SEMA3A: variants seen among roughly 807,000 people sequenced by gnomAD.
SEMA3A encodes semaphorin 3A, also known as semaphorin-3A.
SEMA3A carries 29 observed loss-of-function variants against 97.9 expected under a neutral mutation model. That is an observed-to-expected ratio of 0.30 (90% CI 0.22 to 0.40). The LOEUF (loss-of-function observed/expected upper bound fraction) is 0.40. Among genes scored for constraint, SEMA3A ranks in the 10% least tolerant of loss-of-function variants. The pLI is 1.00. For synonymous variants in SEMA3A, 321 were observed against 323.7 expected (o/e 0.99, Z 0.09); for missense variants, 763 against 951.3 (o/e 0.80, Z 2.60).
chr7:84,023,725 A>G (rs1459796991), intron 6 of SEMA3A, among the ~76,000 whole-genome samples: 2 of 152,260 alleles, frequency 1.3e-5, no homozygotes, highest in Admixed American at 1.3e-4. Context: ...TAAAATGTAG[A>G]TAGTGCCGGG....
Position 84,329,787 on chromosome 7 carries a change from G to A in SEMA3A, c.-168-22495C>T, listed in dbSNP as rs1390298913. ...TTAGTGCAAAATAAGAGGGAACACA[G>A]TGTATAATTTCAAAAGCTGTGTTAT... On this transcript the variant is annotated intron_variant, in intron 2 of 3. Transcript: ENST00000424555. Among the ~76,000 whole-genome samples, 5 of 152,162 alleles carry A rather than the reference G, an allele frequency of 3.3e-5. No individual in the cohort carries two copies. The East Asian group carries it at 9.7e-4, about 29-fold the overall frequency.
At chr7:84,337,600 C>A (rs1026722231) in intron 2 of SEMA3A, among the ~76,000 whole-genome samples, 4 of 152,034 alleles carry the variant, frequency 2.6e-5, no homozygotes, top group African/African-American at 9.7e-5. Context: ...GGAATGGATT[C>A]AAATTCAATT....
At chr7:84,141,165 T>C (rs1796281045) in intron 1 of SEMA3A, among the ~76,000 whole-genome samples, 2 of 152,168 alleles carry the variant, frequency 1.3e-5, no homozygotes, top group Admixed American at 6.5e-5. Context: ...CCAATACCAA[T>C]GGGCATCTAT....
Position 84,303,387 on chromosome 7 carries a change from C to T in SEMA3A, c.-83+3820G>A, listed in dbSNP as rs113739850. Among the ~76,000 whole-genome samples, 5 of 152,052 alleles carry T rather than the reference C, an allele frequency of 3.3e-5. 1 individual carries two copies. Among genetic ancestry groups the T allele is most frequent in the African/African-American group, 1.2e-4 (5 of 41,474 alleles). ...AAAAAAATGTCTAGGAATTTTTAAA[C>T]AGGGAAAACATGTTCTAGTTCCTTC... On this transcript the variant is annotated intron_variant, in intron 3 of 3. Coordinates refer to the SEMA3A transcript ENST00000424555.
chr7:83,990,236 A>C (rs557554314), intron 12 of SEMA3A, among the ~76,000 whole-genome samples: 9 of 152,212 alleles, frequency 5.9e-5, no homozygotes, highest in Middle Eastern at 3.4e-3. Flanking sequence ...TCAGATAAGT[A>C]GGTTGCAAAA....
chr7:84,443,384 A>G (rs1263591677), intron 1 of SEMA3A, among the ~76,000 whole-genome samples: 5 of 152,204 alleles, frequency 3.3e-5, no homozygotes, highest in African/African-American at 9.6e-5. Flanking sequence ...TAATGTAAAT[A>G]TTAGCCATTT....
intron 3 of SEMA3A, among the ~76,000 whole-genome samples, chr7:84,306,169 AT>A (rs918667289): frequency 2.7e-4 from 41 of 151,612 alleles, no homozygotes; most frequent in Non-Finnish European, 4.1e-4. Flanking sequence ...GATGTGATAA[AT>A]TTTTTTTGTG....
chr7:84,356,167 T>C (rs1240522918), intron 2 of SEMA3A, among the ~76,000 whole-genome samples: 1 of 151,940 alleles, frequency 6.6e-6, no homozygotes, highest in Non-Finnish European at 1.5e-5. Flanking sequence ...TGTTTTATTT[T>C]GAAAATTATT....
At chr7:84,256,464 T>TA (rs911942649) in intron 3 of SEMA3A, among the ~76,000 whole-genome samples, 2 of 151,980 alleles carry the variant, frequency 1.3e-5, no homozygotes, top group African/African-American at 4.8e-5. Flanking sequence ...AATACTGTTT[T>TA]AAAAAAAGGC....
intron 6 of SEMA3A, among the ~76,000 whole-genome samples, chr7:84,029,767 T>C (rs1341202536): frequency 6.6e-6 from 1 of 151,588 alleles, no homozygotes; most frequent in Non-Finnish European, 1.5e-5. Flanking sequence ...AATTTTTTTA[T>C]TATCTCATAA....
intron 3 of SEMA3A, among the ~76,000 whole-genome samples, chr7:84,246,116 T>C (rs1266700895): frequency 6.6e-6 from 1 of 152,204 alleles, no homozygotes; most frequent in Admixed American, 6.5e-5. Context: ...TGCAGTGGGC[T>C]CCGCCCAGTC....
At chr7:84,153,687 A>G (rs1017916479) in intron 1 of SEMA3A, among the ~76,000 whole-genome samples, 16 of 152,098 alleles carry the variant, frequency 1.1e-4, no homozygotes, top group Non-Finnish European at 1.9e-4. Context: ...TGAGGTCAAA[A>G]ATGTTACTTT....
intron 3 of SEMA3A, among the ~76,000 whole-genome samples, chr7:84,210,093 C>G (rs1021019364): frequency 6.6e-6 from 1 of 152,118 alleles, no homozygotes; most frequent in Non-Finnish European, 1.5e-5. Flanking sequence ...ATAATTTTAT[C>G]CAACTTATTT....
chr7:84,100,167 T>C (rs1794915599), intron 4 of SEMA3A, among the ~76,000 whole-genome samples: 1 of 152,190 alleles, frequency 6.6e-6, no homozygotes, highest in African/African-American at 2.4e-5. Context: ...TAGAATAAGA[T>C]GGCCTTTGTT....
At chr7:84,448,519 G>A (rs147002629) in intron 1 of SEMA3A, among the ~76,000 whole-genome samples, 54 of 152,050 alleles carry the variant, frequency 3.6e-4, no homozygotes, top group African/African-American at 1.3e-3. Flanking sequence ...ATCTGTTAGT[G>A]TATAGAAAAG....
intron 2 of SEMA3A, among the ~76,000 whole-genome samples, chr7:84,339,007 T>C (rs982117640): frequency 4.6e-5 from 7 of 152,178 alleles, no homozygotes; most frequent in African/African-American, 1.4e-4. Flanking sequence ...ATAGCTCAGA[T>C]GTCTGTGGTA....
chr7:84,345,219 T>C (rs188612796), intron 2 of SEMA3A, among the ~76,000 whole-genome samples: 12 of 152,284 alleles, frequency 7.9e-5, no homozygotes, highest in African/African-American at 2.9e-4. Context: ...AAAATGAACA[T>C]ACTTTAATTT....
intron 3 of SEMA3A, among the ~76,000 whole-genome samples, chr7:84,228,551 G>A (rs1350915392): frequency 1.3e-5 from 2 of 151,920 alleles, no homozygotes; most frequent in African/African-American, 4.8e-5. Context: ...AAACTATCAT[G>A]TTATATATGG....
chr7:83,989,739 C>G (rs58338762), intron 12 of SEMA3A, among the ~76,000 whole-genome samples: 283 of 144,588 alleles, frequency 2.0e-3, no homozygotes, highest in African/African-American at 6.9e-3. Context: ...TGGGTTGGTT[C>G]CAAGTCTTTG....
Sources: allele counts gnomAD v4.1 joint callset (sites outside exome capture counted in the v4.1 genomes callset), GRCh38; gene constraint gnomAD v4.1.1; transcripts MANE v1.5; gene names NCBI Gene and HGNC (gene_info 2026-07-23, HGNC 2026-07-21).